The following DLGAP2 variants were observed in gnomAD, a reference collection of about 807,000 sequenced individuals.
The protein encoded by DLGAP2 is disks large-associated protein 2.
In DLGAP2, 26 loss-of-function variants were observed where a neutral mutation model predicts 100.3. That is an observed-to-expected ratio of 0.26 (90% CI 0.19 to 0.36). The LOEUF (loss-of-function observed/expected upper bound fraction) is 0.36. Ranked by LOEUF, DLGAP2 falls within the 10% of genes least tolerant of loss-of-function variation. The pLI, the probability that DLGAP2 is intolerant of heterozygous loss-of-function variation, is 1.00. For synonymous variants in DLGAP2, 886 were observed against 630.1 expected, an observed-to-expected ratio of 1.41 and a Z score of -6.08; for missense variants, 1,858 against 1,453.2, an observed-to-expected ratio of 1.28 and a Z score of -4.53.
intron 2 of DLGAP2, chr8:910,394 G>A (rs555654147): frequency 1.3e-5 from 2 of 152,314 alleles, no homozygotes; most frequent in South Asian, 4.1e-4. Flanking sequence ...AGGCAATGCT[G>A]TGAAGCGTCA....
intron 2 of DLGAP2, among the ~76,000 whole-genome samples, chr8:1,148,150 C>T (rs1173822477): frequency 6.6e-6 from 1 of 152,084 alleles, no homozygotes; most frequent in Non-Finnish European, 1.5e-5. Context: ...CTAGACAGGA[C>T]TGTTAAGATT....
intron 3 of DLGAP2, among the ~76,000 whole-genome samples, chr8:1,497,178 C>G (rs890991331): frequency 3.9e-5 from 6 of 152,178 alleles, no homozygotes; most frequent in African/African-American, 1.4e-4. Context: ...GATGTGCATT[C>G]CCACGCGTGA....
chr8:967,081 G>A (rs1799889234), intron 2 of DLGAP2, among the ~76,000 whole-genome samples: 1 of 152,222 alleles, frequency 6.6e-6, no homozygotes, highest in Non-Finnish European at 1.5e-5. Flanking sequence ...ACTTCTTTGT[G>A]TATTTACCTT....
intron 3 of DLGAP2, among the ~76,000 whole-genome samples, chr8:1,465,051 C>A (rs1428006537): frequency 1.8e-4 from 28 of 152,258 alleles, no homozygotes; most frequent in Admixed American, 1.8e-3. Flanking sequence ...AGGTGACCAG[C>A]TCTGCAGGGG....
At chr8:1,231,866 G>T (rs990523069) in intron 2 of DLGAP2, among the ~76,000 whole-genome samples, 6 of 152,110 alleles carry the variant, frequency 3.9e-5, no homozygotes, top group Admixed American at 2.6e-4. Context: ...TCTGTAGCTG[G>T]GTGACAAGTT....
chr8:1,234,481 C>T (rs943830956), intron 2 of DLGAP2, among the ~76,000 whole-genome samples: 36 of 152,290 alleles, frequency 2.4e-4, no homozygotes, highest in African/African-American at 8.2e-4. Flanking sequence ...GAATCAGGGC[C>T]TGTCTCCCCA....
intron 3 of DLGAP2, among the ~76,000 whole-genome samples, chr8:1,268,778 C>A (rs547970616): frequency 6.6e-6 from 1 of 152,338 alleles, no homozygotes; most frequent in South Asian, 2.1e-4. Context: ...TTATGCACCT[C>A]ATGTTGCACA....
intron 8 of DLGAP2, among the ~76,000 whole-genome samples, chr8:1,654,192 T>C (rs7465618): frequency 0.34 from 51,466 of 152,088 alleles, 8,810 homozygotes; most frequent in East Asian, 0.48. Context: ...CACATGCACA[T>C]ATGGAGAGAC....
At chr8:1,691,706 C>A (rs989947109) in intron 13 of DLGAP2, 80 bp downstream of exon 13, 9 of 1,252,866 alleles carry the variant, frequency 7.2e-6, no homozygotes. Flanking sequence ...TTGTTTTCTT[C>A]CTTGTCAAAG....
intron 3 of DLGAP2, among the ~76,000 whole-genome samples, chr8:1,267,986 C>G (rs1187947627): frequency 2.0e-5 from 3 of 152,164 alleles, no homozygotes; most frequent in Non-Finnish European, 2.9e-5. Flanking sequence ...AGAGGTGAAG[C>G]CACAGCTATT....
chr8:1,600,567 G>T (rs1352529999), intron 6 of DLGAP2, among the ~76,000 whole-genome samples: 1 of 151,970 alleles, frequency 6.6e-6, no homozygotes, highest in African/African-American at 2.4e-5. Flanking sequence ...GGCTTTGTTT[G>T]TTCCTTTTTG....
chr8:1,635,681 A>T (rs949017581), intron 8 of DLGAP2, among the ~76,000 whole-genome samples: 1 of 152,256 alleles, frequency 6.6e-6, no homozygotes, highest in Non-Finnish European at 1.5e-5. Context: ...TGCAGGCTCA[A>T]AAGGTAAAAG....
chr8:1,687,332 G>C (rs549361605), intron 12 of DLGAP2, among the ~76,000 whole-genome samples: 4 of 152,330 alleles, frequency 2.6e-5, no homozygotes, highest in Non-Finnish European at 4.4e-5. Context: ...TGGAAGGCAA[G>C]GGTTCTAGCA....
intron 2 of DLGAP2, among the ~76,000 whole-genome samples, chr8:995,601 C>T (rs778729822): frequency 2.0e-5 from 3 of 152,174 alleles, no homozygotes; most frequent in Admixed American, 2.0e-4. Context: ...TAGGAAGAAT[C>T]TCCCCTGTCC....
intron 1 of DLGAP2, among the ~76,000 whole-genome samples, chr8:897,615 A>G (rs1798168309): frequency 6.6e-6 from 1 of 152,186 alleles, no homozygotes; most frequent in Admixed American, 6.5e-5. Flanking sequence ...TCTCACTCCC[A>G]AGACCCGGCA....
intron 6 of DLGAP2, among the ~76,000 whole-genome samples, chr8:1,615,004 G>A (rs545402879): frequency 6.6e-6 from 1 of 152,362 alleles, no homozygotes; most frequent in East Asian, 1.9e-4. Context: ...CTCGCTACCT[G>A]CTGCAGGAGG....
chr8:1,237,697 G>A (rs1335249783), intron 2 of DLGAP2, among the ~76,000 whole-genome samples: 3 of 108,518 alleles, frequency 2.8e-5, no homozygotes, highest in African/African-American at 7.8e-5. Flanking sequence ...ACCGTGTCTA[G>A]TTCTCTCACA....
intron 3 of DLGAP2, among the ~76,000 whole-genome samples, chr8:1,318,969 C>G (rs962359857): frequency 2.0e-5 from 3 of 152,058 alleles, no homozygotes; most frequent in Admixed American, 6.5e-5. Context: ...AGATGGGAAT[C>G]GACATAGTCT....
chr8:1,164,213 C>T (rs77412658), intron 2 of DLGAP2, among the ~76,000 whole-genome samples: 9,898 of 27,124 alleles, frequency 0.36, 704 homozygotes, highest in Middle Eastern at 0.45. Flanking sequence ...CCCCAGGGCC[C>T]GTCATTTTGG....
Sources: allele counts gnomAD v4.1 joint callset (sites outside exome capture counted in the v4.1 genomes callset), GRCh38; gene constraint gnomAD v4.1.1; transcripts MANE v1.5; gene names NCBI Gene and HGNC (gene_info 2026-07-23, HGNC 2026-07-21).